Variants in TOM1L2 observed in about 807,000 individuals in gnomAD.
TOM1L2 encodes TOM1-like protein 2.
In TOM1L2, 31 loss-of-function variants were observed where a neutral mutation model predicts 67.9. That is an observed-to-expected ratio of 0.46 (90% CI 0.34 to 0.62). The LOEUF is 0.62. Among genes scored for constraint, TOM1L2 ranks in the 20% least tolerant of loss-of-function variants. The pLI is 0.01. For missense variants in TOM1L2, 606 were observed against 663.5 expected, an observed-to-expected ratio of 0.91 and a Z score of 0.95; for synonymous variants, 256 against 254.0, an observed-to-expected ratio of 1.01 and a Z score of -0.07.
chr17:17,926,638 G>A (rs1290019045), intron 1 of TOM1L2, among the ~76,000 whole-genome samples: 4 of 152,000 alleles, frequency 2.6e-5, no homozygotes, highest in Middle Eastern at 3.4e-3. Context: ...CGAGGCGGGC[G>A]GATTGCTTGA....
rs1310393787 is a variant in TOM1L2 at position 17,866,355 on chromosome 17, C to A, written c.1025G>T (p.Ser342Ile). The stretch of plus-strand genomic sequence containing the variant: ...GGGCGCTGTGTTCCCCACCATTGGG[C>A]TCACCACGGCTGGAGACCCTGGCCC... ...DLGPGSPAVV[S>I]PMVGNTAPPS... Residue 342 changes from serine (S) to isoleucine (I), a missense_variant, in exon 10 of 15, where the codon AGC becomes ATC. Around this residue, in one of 2 missense-constraint regions of TOM1L2, gnomAD observed 543 missense variants for 554.0 expected, o/e 0.98. Coordinates refer to ENST00000379504, the MANE Select transcript of TOM1L2 (RefSeq NM_001082968.2). The A allele has an allele frequency of 6.2e-7, 1 of 1,611,010 alleles. No individual in the cohort carries two copies. Among genetic ancestry groups the A allele is most frequent in the South Asian group, 1.1e-5 (1 of 90,258 alleles).
intron 8 of TOM1L2, among the ~76,000 whole-genome samples, chr17:17,867,361 G>A (rs542178625): frequency 5.6e-4 from 85 of 152,306 alleles, no homozygotes; most frequent in Admixed American, 1.3e-3. Flanking sequence ...ACATAGGGTG[G>A]GCACCAGCAG....
intron 1 of TOM1L2, among the ~76,000 whole-genome samples, chr17:17,926,103 C>G (rs909544024): frequency 6.7e-6 from 1 of 149,722 alleles, no homozygotes; most frequent in African/African-American, 2.5e-5. Context: ...CACAGGATGT[C>G]GAGGCCGCAG....
chr17:17,875,199 T>C (rs1484993704), intron 7 of TOM1L2, among the ~76,000 whole-genome samples: 7 of 147,008 alleles, frequency 4.8e-5, no homozygotes, highest in Admixed American at 4.2e-4. Context: ...AGAGGTTCAG[T>C]AAGCCAAGAT....
At chr17:17,966,769 T>C (rs1313215024) in intron 1 of TOM1L2, among the ~76,000 whole-genome samples, 1 of 152,230 alleles carries the variant, frequency 6.6e-6, no homozygotes, top group African/African-American at 2.4e-5. Flanking sequence ...AATAGTTAAA[T>C]GTTGTGAGGG....
At chr17:17,935,359 T>A (rs1234632316) in intron 1 of TOM1L2, among the ~76,000 whole-genome samples, 1 of 152,254 alleles carries the variant, frequency 6.6e-6, no homozygotes, top group East Asian at 1.9e-4. Flanking sequence ...GAGCTTCTTC[T>A]GAAACAAAGA....
intron 1 of TOM1L2, among the ~76,000 whole-genome samples, chr17:17,923,085 T>C (rs1201244380): frequency 6.6e-6 from 1 of 152,194 alleles, no homozygotes; most frequent in African/African-American, 2.4e-5. Context: ...CCAGGGCTCA[T>C]ACCTGCTGTG....
intron 2 of TOM1L2, among the ~76,000 whole-genome samples, chr17:17,901,512 A>T (rs1388841600): frequency 6.6e-6 from 1 of 152,038 alleles, no homozygotes; most frequent in Admixed American, 6.6e-5. Context: ...ATCCCCAAAC[A>T]AGCCTCCTGT....
chr17:17,962,458 G>A (rs984937729), intron 1 of TOM1L2, among the ~76,000 whole-genome samples: 4 of 151,928 alleles, frequency 2.6e-5, no homozygotes, highest in South Asian at 2.1e-4. Context: ...GACTACAGGC[G>A]CACACTGCCA....
intron 8 of TOM1L2, chr17:17,868,855 A>C (rs2036989791): frequency 6.3e-6 from 1 of 157,822 alleles, no homozygotes; most frequent in African/African-American, 2.4e-5. Context: ...CTTCCCCTGA[A>C]TGCTCTAGAT....
chr17:17,924,311 T>C (rs2040001126), intron 1 of TOM1L2, among the ~76,000 whole-genome samples: 1 of 152,074 alleles, frequency 6.6e-6, no homozygotes, highest in African/African-American at 2.4e-5. Flanking sequence ...GATGAAAATG[T>C]TCTAAAACTG....
chr17:17,857,548 G>C (rs1206578461), intron 12 of TOM1L2, among the ~76,000 whole-genome samples: 1 of 152,224 alleles, frequency 6.6e-6, no homozygotes, highest in Admixed American at 6.5e-5. Flanking sequence ...GACTCTTAAG[G>C]CCTGGGGACA....
chr17:17,847,480 A>C lies in TOM1L2; in HGVS notation c.*155T>G. ...AAAGAAGTGGCTGAAGCTGGTCCTG[A>C]CTAGTGGGAGGCCTGGGAGCAGACA... On this transcript the variant is annotated 3_prime_UTR_variant, in exon 15 of 15. Transcript: ENST00000379504. The C allele has an allele frequency of 3.0e-6, 3 of 984,054 alleles. No homozygotes were observed. The highest frequency in any genetic ancestry group is 4.4e-6 in the Non-Finnish European group (3 of 684,486). The allele number at this position is 984,054 out of a possible 1,614,324, so 61.0% of individuals were successfully genotyped here.
At chr17:17,915,037 A>C (rs370835723) in intron 1 of TOM1L2, among the ~76,000 whole-genome samples, 2 of 152,122 alleles carry the variant, frequency 1.3e-5, no homozygotes, top group East Asian at 3.9e-4. Context: ...AGTTCTATCT[A>C]GTTTGTTACG....
intron 1 of TOM1L2, among the ~76,000 whole-genome samples, chr17:17,956,292 A>T (rs373175834): frequency 6.6e-6 from 1 of 152,204 alleles, no homozygotes; most frequent in African/African-American, 2.4e-5. Context: ...TCCCCACCAG[A>T]TTAACTAGAT....
At chr17:17,870,629 A>G (rs890115104) in intron 7 of TOM1L2, among the ~76,000 whole-genome samples, 1 of 152,210 alleles carries the variant, frequency 6.6e-6, no homozygotes, top group Non-Finnish European at 1.5e-5. Flanking sequence ...CTTCATTTTG[A>G]AACCGTTTCT....
intron 13 of TOM1L2, among the ~76,000 whole-genome samples, chr17:17,849,978 A>G (rs1406165571): frequency 6.6e-6 from 1 of 152,160 alleles, no homozygotes; most frequent in Non-Finnish European, 1.5e-5. Flanking sequence ...CAGAGGCCCC[A>G]ACCTGAGGCC....
rs8069907 is a variant in TOM1L2 at position 17,939,898 on chromosome 17, A to G, written c.52+32364T>C. Among the ~76,000 whole-genome samples, 1,259 of 152,280 alleles carry G rather than the reference A, an allele frequency of 8.3e-3. 19 individuals are homozygous for G. Among genetic ancestry groups the G allele is most frequent in the African/African-American group, 0.029 (1,213 of 41,548 alleles). On this transcript the variant is annotated intron_variant, in intron 1 of 14. Coordinates refer to ENST00000379504, the MANE Select transcript of TOM1L2 (RefSeq NM_001082968.2). ...TCATCTATAAAATGGAAGTGTTAAG[A>G]ATTCTGCTTTGGGCCAGGTGTGGTG...
At chr17:17,911,197 C>T (rs1405896617) in intron 1 of TOM1L2, among the ~76,000 whole-genome samples, 1 of 152,100 alleles carries the variant, frequency 6.6e-6, no homozygotes, top group African/African-American at 2.4e-5. Context: ...TGGGTCCTAC[C>T]CCAGGCGAGA....
Sources: allele counts gnomAD v4.1 joint callset (sites outside exome capture counted in the v4.1 genomes callset), GRCh38; gene constraint gnomAD v4.1.1; regional missense constraint gnomAD v4.1.1; transcripts MANE v1.5; gene names NCBI Gene and HGNC (gene_info 2026-07-23, HGNC 2026-07-21).